Variants in PLXNA4 observed in about 807,000 individuals in gnomAD.
PLXNA4 encodes the protein plexin-A4.
In PLXNA4, 44 loss-of-function variants were observed where a neutral mutation model predicts 191.8. That is an observed-to-expected ratio of 0.23 (90% CI 0.18 to 0.29). The LOEUF (loss-of-function observed/expected upper bound fraction) is 0.29. Among genes scored for constraint, PLXNA4 ranks in the 10% least tolerant of loss-of-function variants. The pLI is 1.00. For missense variants in PLXNA4, 1,800 were observed against 2,488.8 expected, an observed-to-expected ratio of 0.72 and a Z score of 5.89; for synonymous variants, 1,082 against 1,009.5, an observed-to-expected ratio of 1.07 and a Z score of -1.36.
chr7:132,470,423 T>A (rs1796891088), intron 3 of PLXNA4, among the ~76,000 whole-genome samples: 1 of 152,222 alleles, frequency 6.6e-6, no homozygotes, highest in South Asian at 2.1e-4. Flanking sequence ...GGTCCCAAAA[T>A]GCCATCCCCC....
In PLXNA4 at chr7:132,515,060, C is replaced by T. The variant is rs538525720; in HGVS notation, c.-86-6281G>A. On this transcript the variant is annotated intron_variant, in intron 1 of 31. Coordinates refer to ENST00000321063, the MANE Select transcript of PLXNA4 (RefSeq NM_020911.2). Reference sequence around the variant, plus strand: ...GGTCGGGAGGGCATAGTGATTGGATCAGGAATGAGAAACTGGTTAAATCAG... The same window carrying T: ...GGTCGGGAGGGCATAGTGATTGGATTAGGAATGAGAAACTGGTTAAATCAG... Among the ~76,000 whole-genome samples, 54 of 152,232 alleles carry T rather than the reference C, an allele frequency of 3.5e-4. No individual in the cohort carries two copies. The South Asian group carries it at 0.011, about 30-fold the overall frequency.
chr7:132,236,537 G>C (rs767034305), intron 5 of PLXNA4, among the ~76,000 whole-genome samples: 1 of 152,088 alleles, frequency 6.6e-6, no homozygotes, highest in Non-Finnish European at 1.5e-5. Context: ...CCATGGTGGG[G>C]GCCTAACAAA....
intron 8 of PLXNA4, 108 bp from the exon 9 acceptor site, chr7:132,223,749 A>C: frequency 1.2e-6 from 1 of 815,902 alleles, no homozygotes; most frequent in Middle Eastern, 2.4e-4. Flanking sequence ...AAGAGAAACC[A>C]CCGTTGAATG....
chr7:132,560,203 T>A (rs188041410), intron 1 of PLXNA4, among the ~76,000 whole-genome samples: 1 of 152,308 alleles, frequency 6.6e-6, no homozygotes, highest in East Asian at 1.9e-4. Context: ...GTTTTGAGCA[T>A]GCGCTCATTG....
intron 14 of PLXNA4, among the ~76,000 whole-genome samples, chr7:132,190,666 G>T (rs1797056298): frequency 6.6e-6 from 1 of 152,210 alleles, no homozygotes; most frequent in African/African-American, 2.4e-5. Context: ...GAGCCTCAGG[G>T]GTGGGGGCCT....
At chr7:132,220,373 C>T (rs887007481) in intron 9 of PLXNA4, among the ~76,000 whole-genome samples, 2 of 152,200 alleles carry the variant, frequency 1.3e-5, no homozygotes, top group African/African-American at 4.8e-5. Flanking sequence ...AGCCTCCAAA[C>T]CTAGACCAGA....
chr7:132,177,013 G>A (rs1260335501), intron 20 of PLXNA4, among the ~76,000 whole-genome samples: 1 of 150,758 alleles, frequency 6.6e-6, no homozygotes, highest in Non-Finnish European at 1.5e-5. Context: ...GTGTATGCAT[G>A]TGCAAGTGTG....
At chr7:132,618,086 A>G (rs763224873) in intron 2 of PLXNA4, among the ~76,000 whole-genome samples, 72 of 152,292 alleles carry the variant, frequency 4.7e-4, no homozygotes, top group South Asian at 4.1e-4. Flanking sequence ...CTCAGGTCTC[A>G]TGGGCCAGAA....
At chr7:132,574,470 A>G (rs1802131476) in intron 1 of PLXNA4, among the ~76,000 whole-genome samples, 3 of 152,236 alleles carry the variant, frequency 2.0e-5, no homozygotes, top group African/African-American at 7.2e-5. Context: ...AGCCCGGAAG[A>G]CAGAGGTGGA....
intron 10 of PLXNA4, among the ~76,000 whole-genome samples, chr7:132,209,850 CA>C (rs1797738944): frequency 6.6e-6 from 1 of 152,140 alleles, no homozygotes; most frequent in Non-Finnish European, 1.5e-5. Flanking sequence ...TCCTCAAATC[CA>C]GACCACCTCT....
At chr7:132,348,817 C>G (rs1266748173) in intron 3 of PLXNA4, among the ~76,000 whole-genome samples, 1 of 152,184 alleles carries the variant, frequency 6.6e-6, no homozygotes, top group Non-Finnish European at 1.5e-5. Context: ...CCAATGGGAG[C>G]CCACCTCAGG....
chr7:132,542,960 G>A (rs1800146577), intron 1 of PLXNA4, among the ~76,000 whole-genome samples: 1 of 151,922 alleles, frequency 6.6e-6, no homozygotes, highest in African/African-American at 2.4e-5. Context: ...TCTGATAATT[G>A]CACTGGAAAT....
chr7:132,611,324 G>A (rs1024460479), intron 2 of PLXNA4, among the ~76,000 whole-genome samples: 2 of 152,226 alleles, frequency 1.3e-5, no homozygotes, highest in African/African-American at 2.4e-5. Flanking sequence ...AATGAAAGGT[G>A]TTTTTCTCCC....
intron 21 of PLXNA4, among the ~76,000 whole-genome samples, chr7:132,172,411 C>T (rs1004610481): frequency 2.0e-5 from 3 of 152,164 alleles, no homozygotes; most frequent in African/African-American, 7.2e-5. Context: ...GGGTGACCTC[C>T]CCTCCAGGAC....
intron 1 of PLXNA4, among the ~76,000 whole-genome samples, chr7:132,542,364 G>A (rs529752368): frequency 4.3e-4 from 65 of 152,296 alleles, no homozygotes; most frequent in East Asian, 9.6e-4. Context: ...AGATGAGGGC[G>A]TGGGGGAATA....
intron 1 of PLXNA4, among the ~76,000 whole-genome samples, chr7:132,542,519 C>G (rs1183046191): frequency 6.6e-6 from 1 of 152,142 alleles, no homozygotes; most frequent in Non-Finnish European, 1.5e-5. Context: ...GTTTACAGAC[C>G]TTCTTGAATC....
intron 4 of PLXNA4, among the ~76,000 whole-genome samples, chr7:132,296,052 C>T (rs991677406): frequency 2.0e-5 from 3 of 152,210 alleles, no homozygotes; most frequent in Non-Finnish European, 4.4e-5. Context: ...CACTGTTCTA[C>T]AAATCTCCAC....
intron 2 of PLXNA4, among the ~76,000 whole-genome samples, chr7:132,639,372 T>C (rs1199232230): frequency 1.3e-5 from 2 of 152,212 alleles, no homozygotes; most frequent in Non-Finnish European, 2.9e-5. Flanking sequence ...TCTATTTTCC[T>C]GAAAGCAGCT....
At position 132,179,600 on chromosome 7, in the gene PLXNA4, A is replaced by G. The variant is rs1484753428; in HGVS notation, c.3874+87T>C. The G allele has an allele frequency of 5.2e-6, 8 of 1,529,028 alleles. No homozygotes were observed. The East Asian group carries it at 9.4e-5, about 18-fold the overall frequency. 94.7% of individuals were successfully genotyped at this position (1,529,028 alleles called of 1,614,324 possible). Reference sequence around the variant, plus strand: ...CAGCCTGCTTGTTTGTATATGAAACATATGCATACACATACACAGATGTGC... The same window carrying G: ...CAGCCTGCTTGTTTGTATATGAAACGTATGCATACACATACACAGATGTGC... On this transcript the variant is annotated intron_variant, in intron 20 of 31. Transcript: ENST00000321063.
Sources: gnomAD v4.1 joint callset for allele counts (sites outside exome capture counted in the v4.1 genomes callset) on GRCh38, gnomAD v4.1.1 for gene constraint, MANE v1.5 for transcripts, NCBI Gene and HGNC (gene_info 2026-07-23, HGNC 2026-07-21) for gene names.